Variants in ALK observed in about 807,000 individuals in gnomAD.
The protein encoded by ALK is ALK receptor tyrosine kinase, also known as ALK tyrosine kinase receptor.
Under a neutral mutation model 163.1 loss-of-function variants are expected in ALK, and 74 were observed. The ratio of observed to expected loss-of-function variants is 0.45; its 90% confidence interval spans 0.38 to 0.55. ALK has a LOEUF of 0.55. Among genes scored for constraint, ALK ranks in the 20% least tolerant of loss-of-function variants. The pLI is 0.00. For missense variants in ALK, 2,063 were observed against 2,105.3 expected, an observed-to-expected ratio of 0.98 and a Z score of 0.39; for synonymous variants, 960 against 843.2, an observed-to-expected ratio of 1.14 and a Z score of -2.40.
chr2:29,700,382 T>G (rs972286875), intron 2 of ALK, among the ~76,000 whole-genome samples: 1 of 152,100 alleles, frequency 6.6e-6, no homozygotes, highest in African/African-American at 2.4e-5. Flanking sequence ...CTGTCTCTAC[T>G]AAAAATACAA....
At chr2:29,263,165 A>C (rs1665129610) in intron 11 of ALK, among the ~76,000 whole-genome samples, 1 of 152,222 alleles carries the variant, frequency 6.6e-6, no homozygotes, top group Non-Finnish European at 1.5e-5. Flanking sequence ...TCAAGCCCAA[A>C]GGGTCATGGA....
intron 3 of ALK, among the ~76,000 whole-genome samples, chr2:29,560,124 G>A (rs1190261142): frequency 1.3e-5 from 2 of 152,150 alleles, no homozygotes; most frequent in Non-Finnish European, 2.9e-5. Context: ...GAAAACATAT[G>A]TCTACATAAA....
intron 14 of ALK, 29 bp downstream of exon 14, chr2:29,233,536 T>C (rs1464354827): frequency 4.3e-6 from 7 of 1,614,066 alleles, no homozygotes; most frequent in Non-Finnish European, 5.9e-6. Flanking sequence ...CACAGGAACC[T>C]GGTGGAAATC....
chr2:29,658,706 A>T (rs1393039736), intron 3 of ALK, among the ~76,000 whole-genome samples: 3 of 152,198 alleles, frequency 2.0e-5, no homozygotes, highest in Admixed American at 6.5e-5. Flanking sequence ...CATACATATT[A>T]ATGCTAGTAT....
At chr2:29,489,590 G>A (rs1408562373) in intron 4 of ALK, among the ~76,000 whole-genome samples, 1 of 152,200 alleles carries the variant, frequency 6.6e-6, no homozygotes, top group Non-Finnish European at 1.5e-5. Flanking sequence ...ATGAACCACT[G>A]TGCCTGGCCC....
chr2:29,768,953 C>T (rs1303634871), intron 1 of ALK, among the ~76,000 whole-genome samples: 1 of 152,090 alleles, frequency 6.6e-6, no homozygotes, highest in Non-Finnish European at 1.5e-5. Context: ...CCCGCCTCAG[C>T]TTCCCAAGTA....
At chr2:29,491,290 C>A (rs55679620) in intron 4 of ALK, among the ~76,000 whole-genome samples, 41,687 of 152,024 alleles carry the variant, frequency 0.27, 6,815 homozygotes, top group Non-Finnish European at 0.37. Flanking sequence ...CGTGGCTGAT[C>A]CATTAGTGCC....
chr2:29,506,949 T>C (rs569575963), intron 4 of ALK, among the ~76,000 whole-genome samples: 96 of 152,276 alleles, frequency 6.3e-4, no homozygotes, highest in Non-Finnish European at 1.2e-3. Context: ...ATGCAGCCAC[T>C]ATGGAAACAT....
intron 2 of ALK, among the ~76,000 whole-genome samples, chr2:29,700,382 T>C (rs972286875): frequency 8.5e-5 from 13 of 152,100 alleles, no homozygotes; most frequent in African/African-American, 3.1e-4. Flanking sequence ...CTGTCTCTAC[T>C]AAAAATACAA....
intron 3 of ALK, among the ~76,000 whole-genome samples, chr2:29,569,887 A>T (rs571809788): frequency 1.3e-4 from 20 of 152,286 alleles, no homozygotes; most frequent in African/African-American, 3.8e-4. Context: ...CCTCCTCTGC[A>T]TTATAAGCTT....
At chr2:29,384,463 T>C (rs1573304222) in intron 4 of ALK, among the ~76,000 whole-genome samples, 5 of 152,138 alleles carry the variant, frequency 3.3e-5, no homozygotes, top group Admixed American at 2.6e-4. Context: ...CAGAAAAAGA[T>C]GGAAGCAGGT....
intron 11 of ALK, among the ~76,000 whole-genome samples, chr2:29,252,612 TG>T (rs1664847304): frequency 6.6e-6 from 1 of 152,182 alleles, no homozygotes; most frequent in Non-Finnish European, 1.5e-5. Context: ...GCCCAGAGGC[TG>T]GGAGGTGGAA....
chr2:29,221,046 G>C (rs747413222), intron 22 of ALK: 1 of 690,386 alleles, frequency 1.4e-6, no homozygotes, highest in Non-Finnish European at 2.7e-6. Flanking sequence ...CTCCACAGGA[G>C]TTCCATTTGC....
intron 3 of ALK, among the ~76,000 whole-genome samples, chr2:29,611,405 C>T (rs892479603): frequency 1.3e-5 from 2 of 152,190 alleles, no homozygotes. Flanking sequence ...AAAAAGTAAA[C>T]ACTTTCATAA....
chr2:29,756,323 A>T (rs957462295), intron 1 of ALK, among the ~76,000 whole-genome samples: 14 of 152,134 alleles, frequency 9.2e-5, no homozygotes, highest in Non-Finnish European at 1.8e-4. Flanking sequence ...CAGATTTTAT[A>T]CTTTGTCAGT....
chr2:29,208,752 AC>A (rs1476553265), intron 25 of ALK, among the ~76,000 whole-genome samples: 2 of 151,910 alleles, frequency 1.3e-5, no homozygotes, highest in Admixed American at 1.3e-4. Context: ...TCCTCTCTCT[AC>A]CCCTGTGAGT....
intron 1 of ALK, among the ~76,000 whole-genome samples, chr2:29,745,660 A>G (rs1680190384): frequency 1.3e-5 from 2 of 152,198 alleles, no homozygotes; most frequent in African/African-American, 4.8e-5. Context: ...AGTCCTTCTC[A>G]GATTATCCTA....
chr2:29,902,036 AT>A (rs1222156816), intron 1 of ALK, among the ~76,000 whole-genome samples: 1 of 152,206 alleles, frequency 6.6e-6, no homozygotes, highest in African/African-American at 2.4e-5. Flanking sequence ...AAGACATGAA[AT>A]TAAGTTCTAA....
At chr2:29,558,180 A>G (rs1396696032) in intron 3 of ALK, among the ~76,000 whole-genome samples, 3 of 152,156 alleles carry the variant, frequency 2.0e-5, no homozygotes, top group Non-Finnish European at 2.9e-5. Context: ...ATTTGCAAAC[A>G]TACTTGTTTG....
Sources: allele counts gnomAD v4.1 joint callset (sites outside exome capture counted in the v4.1 genomes callset), GRCh38; gene constraint gnomAD v4.1.1; transcripts MANE v1.5; gene names NCBI Gene and HGNC (gene_info 2026-07-23, HGNC 2026-07-21).